The following ZNF841 variants were observed in gnomAD, a reference collection of about 807,000 sequenced individuals.
ZNF841 encodes the protein zinc finger protein 841.
Under a neutral mutation model 13.0 loss-of-function variants are expected in ZNF841, and 11 were observed. The observed-to-expected ratio is 0.85, with a 90% confidence interval of 0.53 to 1.40. The LOEUF is 1.40. Among genes scored for constraint, ZNF841 ranks in the 40% most tolerant of loss-of-function variants. The probability of loss-of-function intolerance (pLI) is 0.00; values close to 1 mark genes in which losing one functional copy is unlikely to be tolerated. For missense variants in ZNF841, 1,068 were observed against 1,139.5 expected, an observed-to-expected ratio of 0.94 and a Z score of 0.90; for synonymous variants, 369 against 381.6, an observed-to-expected ratio of 0.97 and a Z score of 0.38.
intron 3 of ZNF841, among the ~76,000 whole-genome samples, chr19:52,085,361 ACTGC>A (rs1262176115): frequency 2.0e-5 from 3 of 152,186 alleles, no homozygotes; most frequent in African/African-American, 7.2e-5. Context: ...GTATTTGCAA[ACTGC>A]CTCAGCACGC....
intron 2 of ZNF841, among the ~76,000 whole-genome samples, chr19:52,092,489 T>G (rs1034754082): frequency 6.6e-6 from 1 of 152,178 alleles, no homozygotes; most frequent in Non-Finnish European, 1.5e-5. Flanking sequence ...AGGCAAGAGA[T>G]AACAGGTGTT....
At chr19:52,070,196 T>C (rs1030121370) in intron 6 of ZNF841, among the ~76,000 whole-genome samples, 1 of 152,186 alleles carries the variant, frequency 6.6e-6, no homozygotes, top group African/African-American at 2.4e-5. Context: ...ATCAAGAGTG[T>C]AGAAATACTT....
chr19:52,092,594 A>G (rs1382155940), intron 2 of ZNF841, among the ~76,000 whole-genome samples: 4 of 152,230 alleles, frequency 2.6e-5, no homozygotes, highest in African/African-American at 4.8e-5. Flanking sequence ...ATTCTTCAAA[A>G]TATTAAAAAT....
Position 52,064,972 on chromosome 19 carries a change from C to T in ZNF841, c.*135G>A. On this transcript the variant is annotated 3_prime_UTR_variant, in exon 7 of 7. Coordinates refer to ENST00000594440, the MANE Select transcript of ZNF841 (RefSeq NM_001136499.2). ...CAGCAACAAGGGGATGGTACTAAAA[C>T]TTTCTTGAGAAAGCCACCCCCATCA... 1 of 736,664 alleles carries T rather than the reference C, an allele frequency of 1.4e-6. No individual in the cohort carries two copies. Among genetic ancestry groups the T allele is most frequent in the Non-Finnish European group, 2.1e-6 (1 of 471,174 alleles). The allele number at this position is 736,664 out of a possible 1,614,324, so 45.6% of individuals were successfully genotyped here.
intron 2 of ZNF841, among the ~76,000 whole-genome samples, chr19:52,090,175 G>C (rs1039920858): frequency 6.6e-6 from 1 of 152,154 alleles, no homozygotes; most frequent in South Asian, 2.1e-4. Context: ...AGTCCTATTT[G>C]TAATAGCATC....
chr19:52,073,899 T>C (rs1183787627), intron 6 of ZNF841, among the ~76,000 whole-genome samples: 2 of 152,180 alleles, frequency 1.3e-5, no homozygotes, highest in Non-Finnish European at 2.9e-5. Context: ...AAAAGCAATG[T>C]ATGTTATATA....
At chr19:52,086,791 T>C (rs2088291253) in intron 3 of ZNF841, among the ~76,000 whole-genome samples, 1 of 151,812 alleles carries the variant, frequency 6.6e-6, no homozygotes, top group Non-Finnish European at 1.5e-5. Flanking sequence ...AAAGAAAGAG[T>C]AAAGCAGGAA....
downstream of ZNF841, chr19:52,064,353 C>CAAAAAAAAAAAAAAAAAAAA (rs56135758): frequency 5.7e-5 from 2 of 35,394 alleles, no homozygotes; most frequent in African/African-American, 7.5e-5. Flanking sequence ...ACTCCGTCTC[C>CAAAAAAAAAAAAAAAAAAAA]AAAAAAAAAA....
downstream of ZNF841, among the ~76,000 whole-genome samples, chr19:52,063,280 CCATGTTA>C (rs2087435654): frequency 6.6e-6 from 1 of 152,112 alleles, no homozygotes; most frequent in Non-Finnish European, 1.5e-5. Context: ...AAAGGTCCTT[CCATGTTA>C]AGCACACTGA....
chr19:52,068,617 A>G (rs1310490793), intron 6 of ZNF841, among the ~76,000 whole-genome samples: 1 of 151,200 alleles, frequency 6.6e-6, no homozygotes, highest in Non-Finnish European at 1.5e-5. Context: ...CGGAGGTTGC[A>G]GTGAGCCAAG....
Position 52,076,954 on chromosome 19 carries a change from T to C in ZNF841, c.142+4A>G. The stretch of plus-strand genomic sequence containing the variant: ...CCTAACTTCTGGAGGAAAACTATCC[T>C]CACCCAGGAAGCCGAGGTTCCTGTA... On this transcript the variant is annotated splice_donor_region_variant and intron_variant, in intron 5 of 6. Transcript: ENST00000594440. 1.2e-6 allele frequency: 2 copies of C among 1,612,034 alleles called. No individual in the cohort carries two copies. Among genetic ancestry groups the C allele is most frequent in the African/African-American group, 2.7e-5 (2 of 75,000 alleles).
chr19:52,072,865 A>G (rs1460770529), intron 6 of ZNF841, among the ~76,000 whole-genome samples: 3 of 152,178 alleles, frequency 2.0e-5, no homozygotes, highest in African/African-American at 7.2e-5. Flanking sequence ...TAAACAGCCA[A>G]TATGTCAAAT....
chr19:52,081,065 C>A (rs1393451301), intron 4 of ZNF841, among the ~76,000 whole-genome samples: 3 of 152,152 alleles, frequency 2.0e-5, no homozygotes, highest in Non-Finnish European at 4.4e-5. Context: ...GGGGATCACC[C>A]TCAGTATATG....
chr19:52,087,880 G>A (rs747284572), intron 3 of ZNF841, among the ~76,000 whole-genome samples: 3 of 151,756 alleles, frequency 2.0e-5, no homozygotes, highest in African/African-American at 4.8e-5. Flanking sequence ...CCCCACCCCC[G>A]AATACTGGCA....
At chr19:52,067,674 G>A (rs1254481069) in intron 6 of ZNF841, 64 bp from the exon 7 acceptor site, 9 of 1,159,710 alleles carry the variant, frequency 7.8e-6, no homozygotes, top group African/African-American at 3.2e-5. Flanking sequence ...ATTTTATACT[G>A]AAAACACACT....
chr19:52,065,738 C>A lies in ZNF841; in HGVS notation c.2144G>T (p.Gly715Val). ...ACTTGTTTTATGACTAAAAGTTCTACCACATTCACTACATTTGTGTGGTTT... is the reference window on the plus strand; with the variant it reads ...ACTTGTTTTATGACTAAAAGTTCTAACACATTCACTACATTTGTGTGGTTT... ...GEKPHKCSEC[G>V]RTFSHKTSLV... The change falls in exon 7 of 7, where the codon GGT (glycine) becomes GTT (valine). Residue 715 changes from glycine to valine, a missense_variant. By Grantham distance (109) the Gly-to-Val change is moderately radical. Transcript: ENST00000594440. 1 of 1,606,970 alleles carries A rather than the reference C, an allele frequency of 6.2e-7. No individual in the cohort carries two copies. The highest frequency in any genetic ancestry group is 8.5e-7 in the Non-Finnish European group (1 of 1,176,168).
At chr19:52,080,292 C>A (rs369921713) in intron 4 of ZNF841, among the ~76,000 whole-genome samples, 55 of 152,286 alleles carry the variant, frequency 3.6e-4, no homozygotes, top group African/African-American at 1.3e-3. Flanking sequence ...ATTTTAACAA[C>A]AATTCATGGA....
chr19:52,093,387 T>TG (rs2088569368), intron 2 of ZNF841, among the ~76,000 whole-genome samples: 1 of 152,192 alleles, frequency 6.6e-6, no homozygotes, highest in African/African-American at 2.4e-5. Flanking sequence ...AATTACTGTA[T>TG]GACCTCACAA....
At position 52,066,020 on chromosome 19, in the gene ZNF841, C is replaced by T. The variant is rs1369022829; in HGVS notation, c.1862G>A (p.Gly621Glu). ...NLSIHRRSHT[G>E]EKPFQCNECG... is the part of the protein sequence containing the mutation. ...TTCGTTACACTGGAAAGGTTTCTCT[C>T]CGGTATGACTTCGCCTATGAATTGA... is the stretch of plus-strand genomic sequence containing the variant. Residue 621 changes from glycine (G) to glutamate (E), a missense_variant, in exon 7 of 7, where the codon GGA (glycine) becomes GAA (glutamate). Coordinates refer to ENST00000594440, the MANE Select transcript of ZNF841 (RefSeq NM_001136499.2). 3.7e-6 allele frequency: 6 copies of T among 1,613,982 alleles called. No homozygotes were observed. Among genetic ancestry groups the T allele is most frequent in the Non-Finnish European group, 5.1e-6 (6 of 1,179,962 alleles).
Sources: allele counts gnomAD v4.1 joint callset (sites outside exome capture counted in the v4.1 genomes callset), GRCh38; gene constraint gnomAD v4.1.1; transcripts MANE v1.5; gene names NCBI Gene and HGNC (gene_info 2026-07-23, HGNC 2026-07-21).